The following PTPRC variants were observed in gnomAD, a reference collection of about 807,000 sequenced individuals.
PTPRC encodes receptor-type tyrosine-protein phosphatase C.
Under a neutral mutation model 155.9 loss-of-function variants are expected in PTPRC, and 44 were observed. The ratio of observed to expected loss-of-function variants is 0.28; its 90% CI spans 0.22 to 0.36. The LOEUF (loss-of-function observed/expected upper bound fraction) is 0.36, where lower values mean the gene tolerates loss of function less well. PTPRC is among the 10% of genes least tolerant of loss of function. The pLI, the probability that PTPRC is intolerant of heterozygous loss-of-function variation, is 1.00. For synonymous variants in PTPRC, 525 were observed against 533.1 expected, an observed-to-expected ratio of 0.98 and a Z score of 0.21; for missense variants, 1,401 against 1,564.6, an observed-to-expected ratio of 0.90 and a Z score of 1.76.
At chr1:198,742,178 AC>A in intron 24 of PTPRC, 53 bp from the exon 25 acceptor site, 4 of 1,611,108 alleles carry the variant, frequency 2.5e-6, no homozygotes, top group Non-Finnish European at 3.4e-6. Flanking sequence ...TTGGCTTCAC[AC>A]CTGACAGCTT....
chr1:198,652,196 C>T (rs2102217713), intron 2 of PTPRC, among the ~76,000 whole-genome samples: 1 of 151,866 alleles, frequency 6.6e-6, no homozygotes, highest in East Asian at 1.9e-4. Flanking sequence ...GCTTTCTCTT[C>T]CTGTCGCTGC....
chr1:198,684,680 AAAG>A (rs1337882462), intron 2 of PTPRC, among the ~76,000 whole-genome samples: 1 of 151,996 alleles, frequency 6.6e-6, no homozygotes, highest in East Asian at 1.9e-4. Context: ...AAACAAAAAA[AAAG>A]ATTTTTGCCA....
At chr1:198,743,517 CTGGATTCAAACAA>C (rs1375188874) in intron 25 of PTPRC, among the ~76,000 whole-genome samples, 1 of 151,748 alleles carries the variant, frequency 6.6e-6, no homozygotes, top group African/African-American at 2.4e-5. Flanking sequence ...CTTGAAAATA[CTGGATTCAAACAA>C]AATAAGCAGT....
chr1:198,692,990 T>C (rs930491003), intron 3 of PTPRC: 6 of 936,474 alleles, frequency 6.4e-6, no homozygotes, highest in Non-Finnish European at 7.6e-6. Flanking sequence ...AAATTGCAGA[T>C]GGTTAAATAT....
chr1:198,750,345 T>C (rs754627369), intron 28 of PTPRC, 147 bp from the exon 29 acceptor site: 8 of 818,164 alleles, frequency 9.8e-6, no homozygotes, highest in Non-Finnish European at 1.4e-5. Flanking sequence ...AGCTATTACA[T>C]TGTTTCTTGT....
chr1:198,659,350 A>T (rs1663801591), intron 2 of PTPRC, among the ~76,000 whole-genome samples: 1 of 152,132 alleles, frequency 6.6e-6, no homozygotes, highest in African/African-American at 2.4e-5. Flanking sequence ...CTCTATGCCA[A>T]GGAACAGAAG....
At chr1:198,702,815 C>T (rs1297478897) in intron 6 of PTPRC, among the ~76,000 whole-genome samples, 1 of 152,162 alleles carries the variant, frequency 6.6e-6, no homozygotes, top group Non-Finnish European at 1.5e-5. Flanking sequence ...TCTTCAACTT[C>T]GTAGCTGATT....
rs768598929 is a variant in PTPRC, at chr1:198,752,379, A to C, written c.3330+8A>C. On this transcript the variant is annotated splice_region_variant and intron_variant, in intron 30 of 32. Coordinates refer to ENST00000442510, the MANE Select transcript of PTPRC (RefSeq NM_002838.5). ...GAACTGAGACATTCCAAGGTATGGA[A>C]ACAATTTGGGGAGTATATTTCTTTG... 14 of 1,612,558 alleles carry C rather than the reference A, an allele frequency of 8.7e-6. No individual in the cohort carries two copies. The highest frequency in any genetic ancestry group is 1.1e-5 in the Non-Finnish European group (13 of 1,179,060).
rs1666136959 is a variant in PTPRC, at chr1:198,695,220, T to G, written c.101-1492T>G. Reference sequence around the variant, plus strand: ...CTAGTAATATTGCAATTTTCATTCTTAACTCTTTCCTGTCCTATCATTTCT... The same window carrying G: ...CTAGTAATATTGCAATTTTCATTCTGAACTCTTTCCTGTCCTATCATTTCT... On this transcript the variant is annotated intron_variant, in intron 3 of 32. Coordinates refer to ENST00000442510, the MANE Select transcript of PTPRC (RefSeq NM_002838.5). 3 of 868,608 alleles carry G rather than the reference T, an allele frequency of 3.5e-6. No individual in the cohort carries two copies. In the South Asian group the frequency reaches 1.6e-4, roughly 46 times the overall value. The allele number at this position is 868,608 out of a possible 1,614,324, so 53.8% of individuals were successfully genotyped here. A position where few individuals can be genotyped will look rare whatever the true frequency, so the allele number is the denominator to read the frequency against.
chr1:198,707,171 C>G (rs1653029627), intron 9 of PTPRC, among the ~76,000 whole-genome samples: 1 of 152,126 alleles, frequency 6.6e-6, no homozygotes, highest in African/African-American at 2.4e-5. Flanking sequence ...ACCACTTCTA[C>G]TTATTTAACA....
intron 3 of PTPRC, among the ~76,000 whole-genome samples, chr1:198,693,372 A>G (rs562561793): frequency 2.0e-5 from 3 of 152,328 alleles, no homozygotes; most frequent in African/African-American, 7.2e-5. Flanking sequence ...GTAGATTGTG[A>G]TTGGTTTATG....
chr1:198,689,149 A>G lies in PTPRC; in HGVS notation c.74-3198A>G, dbSNP rs566301163. 7.3e-5 allele frequency among the ~76,000 whole-genome samples: 11 copies of G among 150,402 alleles called. No individual in the cohort carries two copies. In the East Asian group the frequency reaches 1.2e-3, roughly 16 times the overall value. ...ATTTACCTCTTGTCCTTCTTTTCAG[A>G]AGTTAGATTAAAATAATATACATCA... On this transcript the variant is annotated intron_variant, in intron 2 of 32. Coordinates refer to ENST00000442510, the MANE Select transcript of PTPRC (RefSeq NM_002838.5).
intron 2 of PTPRC, among the ~76,000 whole-genome samples, chr1:198,687,674 G>A (rs1438186638): frequency 6.6e-6 from 1 of 151,880 alleles, no homozygotes; most frequent in Non-Finnish European, 1.5e-5. Flanking sequence ...TTTTATATAG[G>A]TCACATTTAG....
At chr1:198,712,927 A>C (rs746633065) in intron 11 of PTPRC, 26 bp from the exon 12 acceptor site, 6 of 1,599,350 alleles carry the variant, frequency 3.8e-6, no homozygotes, top group Non-Finnish European at 5.1e-6. Flanking sequence ...TTTTCATATT[A>C]CATAACATTC....
At chr1:198,666,502 A>G (rs933876775) in intron 2 of PTPRC, among the ~76,000 whole-genome samples, 1 of 152,218 alleles carries the variant, frequency 6.6e-6, no homozygotes, top group African/African-American at 2.4e-5. Context: ...TAACCATGTT[A>G]GATGCTATAG....
At chr1:198,731,551 A>T in intron 17 of PTPRC, 66 bp from the exon 18 acceptor site, 1 of 1,211,816 alleles carries the variant, frequency 8.3e-7, no homozygotes, top group Non-Finnish European at 1.2e-6. Flanking sequence ...GTGTAAATTT[A>T]ATGAAATGTG....
intron 2 of PTPRC, among the ~76,000 whole-genome samples, chr1:198,674,114 G>T (rs781459293): frequency 6.6e-5 from 10 of 152,142 alleles, no homozygotes; most frequent in Non-Finnish European, 1.5e-4. Context: ...GAAGACCTTT[G>T]TTGTAGTTGC....
intron 15 of PTPRC, 48 bp from the exon 16 acceptor site, chr1:198,728,292 C>G (rs1453819084): frequency 4.1e-6 from 6 of 1,467,352 alleles, no homozygotes; most frequent in Non-Finnish European, 5.7e-6. Flanking sequence ...ACCAGTCTAG[C>G]AAGTTATTTG....
intron 2 of PTPRC, among the ~76,000 whole-genome samples, chr1:198,678,556 G>A (rs976979139): frequency 6.6e-6 from 1 of 152,066 alleles, no homozygotes; most frequent in Non-Finnish European, 1.5e-5. Context: ...GCTTTTTCCA[G>A]GATTGCTTTT....
Sources: gnomAD v4.1 joint callset for allele counts (sites outside exome capture counted in the v4.1 genomes callset) on GRCh38, gnomAD v4.1.1 for gene constraint, MANE v1.5 for transcripts, NCBI Gene and HGNC (gene_info 2026-07-23, HGNC 2026-07-21) for gene names.